The following ERBB4 variants were observed in gnomAD, a reference collection of about 807,000 sequenced individuals.
The protein encoded by ERBB4 is erb-b2 receptor tyrosine kinase 4, also known as receptor tyrosine-protein kinase erbB-4.
Under a neutral mutation model 158.0 loss-of-function variants are expected in ERBB4, and 42 were observed. That is an observed-to-expected ratio of 0.27 (90% CI 0.21 to 0.34). ERBB4 has a LOEUF of 0.34. ERBB4 is among the 10% of genes least tolerant of loss of function. The pLI, the probability that ERBB4 is intolerant of heterozygous loss-of-function variation, is 1.00. For missense variants in ERBB4, 1,333 were observed against 1,624.1 expected (o/e 0.82, Z 3.08); for synonymous variants, 583 against 558.7 (o/e 1.04, Z -0.61).
chr2:211,776,090 C>T (rs564522892), intron 4 of ERBB4, among the ~76,000 whole-genome samples: 2 of 152,178 alleles, frequency 1.3e-5, no homozygotes, highest in South Asian at 2.1e-4. Context: ...TGTAACTATT[C>T]GACTTTAGGG....
intron 1 of ERBB4, among the ~76,000 whole-genome samples, chr2:212,472,943 C>T (rs752164535): frequency 6.6e-5 from 10 of 151,714 alleles, no homozygotes; most frequent in Non-Finnish European, 1.3e-4. Context: ...AAAGTGATTC[C>T]TATCCCCCAA....
chr2:212,333,854 A>G (rs1436956684), intron 1 of ERBB4, among the ~76,000 whole-genome samples: 1 of 152,014 alleles, frequency 6.6e-6, no homozygotes. Context: ...AATTCCTAAG[A>G]AAAAAACCTT....
intron 20 of ERBB4, among the ~76,000 whole-genome samples, chr2:211,478,497 C>A (rs866686459): frequency 5.3e-5 from 8 of 152,124 alleles, no homozygotes; most frequent in Non-Finnish European, 1.0e-4. Flanking sequence ...CTTCATTGTA[C>A]AATTTACATC....
intron 19 of ERBB4, among the ~76,000 whole-genome samples, chr2:211,616,013 C>T (rs949968212): frequency 6.6e-6 from 1 of 152,110 alleles, no homozygotes; most frequent in African/African-American, 2.4e-5. Flanking sequence ...ATGGTTGCAG[C>T]AGATCTTATT....
At chr2:212,231,551 C>T (rs1373806936) in intron 1 of ERBB4, among the ~76,000 whole-genome samples, 1 of 152,172 alleles carries the variant, frequency 6.6e-6, no homozygotes, top group African/African-American at 2.4e-5. Context: ...ATGGCAATTA[C>T]ATGGATAACA....
chr2:212,048,507 G>T (rs2077314872), intron 2 of ERBB4, among the ~76,000 whole-genome samples: 1 of 152,144 alleles, frequency 6.6e-6, no homozygotes, highest in Non-Finnish European at 1.5e-5. Context: ...TTGTTTAGCA[G>T]TGGAAAAGAG....
intron 2 of ERBB4, among the ~76,000 whole-genome samples, chr2:212,044,127 A>T (rs1309168620): frequency 6.6e-6 from 1 of 152,130 alleles, no homozygotes; most frequent in African/African-American, 2.4e-5. Context: ...ATTAGTGTCC[A>T]ACTTAGTACT....
intron 1 of ERBB4, among the ~76,000 whole-genome samples, chr2:212,497,405 A>G (rs1690642858): frequency 1.3e-5 from 2 of 152,108 alleles, no homozygotes; most frequent in Non-Finnish European, 2.9e-5. Flanking sequence ...TTAATTGAGA[A>G]TTCTCATATT....
rs1359594200 is a variant in ERBB4, at chr2:211,953,623, G to A, written c.235-6007C>T. On this transcript the variant is annotated intron_variant, in intron 2 of 27. Coordinates refer to ENST00000342788, the MANE Select transcript of ERBB4 (RefSeq NM_005235.3). ...CCTAAAGATATATCTTCCTCCTCAT[G>A]GTGTAAGCTTCCGCTCAGTAAAACT... 2.6e-5 allele frequency among the ~76,000 whole-genome samples: 4 copies of A among 151,822 alleles called. No homozygotes were observed. In the South Asian group the frequency reaches 8.3e-4, roughly 31 times the overall value.
At chr2:211,433,149 G>T (rs963459584) in intron 20 of ERBB4, among the ~76,000 whole-genome samples, 4 of 152,170 alleles carry the variant, frequency 2.6e-5, no homozygotes, top group African/African-American at 9.7e-5. Flanking sequence ...CATAATGTAT[G>T]AGGGACAGTG....
At chr2:212,169,817 A>C (rs2081459667) in intron 1 of ERBB4, among the ~76,000 whole-genome samples, 1 of 152,124 alleles carries the variant, frequency 6.6e-6, no homozygotes, top group Non-Finnish European at 1.5e-5. Context: ...TCCTTCACAC[A>C]GCTCTCTCTC....
intron 19 of ERBB4, among the ~76,000 whole-genome samples, chr2:211,611,407 A>AGCTTTACTTTTGCTTTCGCTTTTGCTTTC (rs2069190898): frequency 6.9e-6 from 1 of 145,618 alleles, no homozygotes; most frequent in African/African-American, 2.6e-5. Flanking sequence ...AAGGTGTGGA[A>AGCTTTACTTTTGCTTTCGCTTTTGCTTTC]GCTTTACTTT....
At chr2:211,724,347 T>C (rs1187271001) in intron 6 of ERBB4, among the ~76,000 whole-genome samples, 1 of 148,648 alleles carries the variant, frequency 6.7e-6, no homozygotes, top group African/African-American at 2.4e-5. Flanking sequence ...TAAGTGTCTT[T>C]CTTTTTTTTT....
intron 2 of ERBB4, among the ~76,000 whole-genome samples, chr2:211,988,086 T>C (rs1467042416): frequency 2.0e-5 from 3 of 152,208 alleles, no homozygotes; most frequent in African/African-American, 7.2e-5. Flanking sequence ...ATTAGGACTT[T>C]TTTATTATCA....
At chr2:212,130,359 A>G (rs79473789) in intron 1 of ERBB4, among the ~76,000 whole-genome samples, 1,689 of 152,240 alleles carry the variant, frequency 0.011, 22 homozygotes, top group African/African-American at 0.039. Context: ...AAATGTAGCT[A>G]TACTTCCAAA....
intron 1 of ERBB4, among the ~76,000 whole-genome samples, chr2:212,535,052 C>T (rs1346696896): frequency 6.6e-6 from 1 of 151,820 alleles, no homozygotes; most frequent in Non-Finnish European, 1.5e-5. Context: ...TCTATGCATA[C>T]ATGATTAAAA....
chr2:211,719,307 T>C (rs1010664309), intron 7 of ERBB4, among the ~76,000 whole-genome samples: 1 of 152,216 alleles, frequency 6.6e-6, no homozygotes, highest in African/African-American at 2.4e-5. Flanking sequence ...TTCTGTGATA[T>C]CCATTTCTTC....
intron 1 of ERBB4, among the ~76,000 whole-genome samples, chr2:212,222,611 C>T (rs1220431581): frequency 2.1e-5 from 3 of 145,922 alleles, no homozygotes; most frequent in Admixed American, 2.0e-4. Flanking sequence ...ACCATATTCT[C>T]TTGGCTTTTT....
chr2:211,867,942 T>C (rs927426374), intron 3 of ERBB4, among the ~76,000 whole-genome samples: 2 of 152,210 alleles, frequency 1.3e-5, no homozygotes, highest in African/African-American at 4.8e-5. Flanking sequence ...CATTCTTTGC[T>C]TTCCTTTTCA....
Sources: gnomAD v4.1 joint callset for allele counts (sites outside exome capture counted in the v4.1 genomes callset) on GRCh38, gnomAD v4.1.1 for gene constraint, MANE v1.5 for transcripts, NCBI Gene and HGNC (gene_info 2026-07-23, HGNC 2026-07-21) for gene names.